PDE11A: variants seen among roughly 807,000 people sequenced by gnomAD.
The protein encoded by PDE11A is dual 3',5'-cyclic-AMP and -GMP phosphodiesterase 11A.
In PDE11A, 100 loss-of-function variants were observed where a neutral mutation model predicts 100.5. The observed-to-expected ratio is 1.00, with a 90% CI of 0.85 to 1.18. PDE11A has a LOEUF of 1.18. PDE11A is among the 50% of genes most tolerant of loss of function. The probability of loss-of-function intolerance (pLI) is 0.00; values close to 1 mark genes in which losing one functional copy is unlikely to be tolerated. For missense variants in PDE11A, 1,141 were observed against 1,152.6 expected (o/e 0.99, Z 0.15); for synonymous variants, 381 against 420.8 (o/e 0.91, Z 1.16).
intron 1 of PDE11A, among the ~76,000 whole-genome samples, chr2:178,070,846 A>G (rs1314711358): frequency 1.3e-5 from 2 of 152,244 alleles, no homozygotes; most frequent in African/African-American, 4.8e-5. Context: ...ACTACAGATA[A>G]TGCTATATTT....
chr2:178,072,837 G>T, upstream of PDE11A: 1 of 1,180,790 alleles, frequency 8.5e-7, no homozygotes, highest in Non-Finnish European at 1.1e-6. Context: ...GTGAGGCACG[G>T]AGCCTGGAGG....
intron 2 of PDE11A, among the ~76,000 whole-genome samples, chr2:177,920,316 T>C (rs574950587): frequency 4.0e-4 from 61 of 151,594 alleles, no homozygotes; most frequent in Admixed American, 1.1e-3. Context: ...TATGAACCTC[T>C]AAGTAGGAAA....
intron 2 of PDE11A, among the ~76,000 whole-genome samples, chr2:177,956,122 A>G (rs1371506931): frequency 6.6e-6 from 1 of 152,108 alleles, no homozygotes; most frequent in Non-Finnish European, 1.5e-5. Context: ...GTGAACAGGC[A>G]ACCTACAGAA....
At chr2:177,903,711 T>A (rs914269538) in intron 3 of PDE11A, among the ~76,000 whole-genome samples, 1 of 152,206 alleles carries the variant, frequency 6.6e-6, no homozygotes, top group Non-Finnish European at 1.5e-5. Flanking sequence ...AAGGGAAGAT[T>A]AATCAGAAAG....
chr2:177,964,995 A>G (rs779519048), intron 2 of PDE11A, among the ~76,000 whole-genome samples: 2 of 152,248 alleles, frequency 1.3e-5, no homozygotes, highest in Non-Finnish European at 2.9e-5. Flanking sequence ...CCAGCAGTGT[A>G]TAAGTGTTCC....
intron 6 of PDE11A, among the ~76,000 whole-genome samples, chr2:177,836,558 G>A (rs1196175742): frequency 1.3e-5 from 2 of 152,194 alleles, no homozygotes; most frequent in Non-Finnish European, 2.9e-5. Flanking sequence ...GGGAATAAAA[G>A]CAGGCTGCCG....
chr2:177,654,121 A>G (rs2080347889), intron 19 of PDE11A, among the ~76,000 whole-genome samples: 2 of 152,252 alleles, frequency 1.3e-5, no homozygotes, highest in African/African-American at 4.8e-5. Flanking sequence ...AAAATGAGGC[A>G]CCAAAGTGCT....
chr2:177,853,848 GTGTATAT>G (rs2083778597), intron 5 of PDE11A, among the ~76,000 whole-genome samples: 3 of 139,116 alleles, frequency 2.2e-5, no homozygotes, highest in African/African-American at 7.9e-5. Flanking sequence ...ATCTATATAT[GTGTATAT>G]ATATCTATAT....
At chr2:177,755,955 G>A (rs967747091) in intron 10 of PDE11A, among the ~76,000 whole-genome samples, 6 of 152,244 alleles carry the variant, frequency 3.9e-5, no homozygotes, top group Non-Finnish European at 7.3e-5. Context: ...AGATGGTTTT[G>A]CAGGAGCCCA....
At chr2:177,813,329 GA>G in intron 9 of PDE11A, among the ~76,000 whole-genome samples, 1 of 152,252 alleles carries the variant, frequency 6.6e-6, no homozygotes, top group East Asian at 1.9e-4. Flanking sequence ...TCTCTTGGCT[GA>G]ATTCTTTCTC....
At chr2:177,678,796 G>A (rs552004755) in intron 16 of PDE11A, among the ~76,000 whole-genome samples, 3 of 152,200 alleles carry the variant, frequency 2.0e-5, no homozygotes, top group African/African-American at 4.8e-5. Context: ...ATCTCTGTAG[G>A]AAAATATCTA....
chr2:177,740,405 TTTA>T (rs1327044861), intron 10 of PDE11A, among the ~76,000 whole-genome samples: 4 of 152,214 alleles, frequency 2.6e-5, no homozygotes, highest in Admixed American at 6.5e-5. Context: ...TCATGGTGCA[TTTA>T]TTAAGACATA....
In PDE11A at chr2:177,627,056, A is replaced by C. The variant is rs1574075179; in HGVS notation, c.*2351T>G. On this transcript the variant is annotated 3_prime_UTR_variant, in exon 20 of 20. Coordinates refer to ENST00000286063, the MANE Select transcript of PDE11A (RefSeq NM_016953.4). ...TTTTTTTTTTTTTTTTTTTTTTGAG[A>C]CGGAGTCTCGCTGGTCGCCCAGGCT... is the stretch of plus-strand genomic sequence containing the variant. 1 of 59,042 alleles carries C rather than the reference A, an allele frequency of 1.7e-5. No individual in the cohort carries two copies. Among genetic ancestry groups the C allele is most frequent in the African/African-American group, 7.7e-5 (1 of 13,032 alleles). The allele number at this position is 59,042 out of a possible 1,614,324, so 3.7% of individuals were successfully genotyped here.
chr2:177,656,115 G>A (rs1169928009), intron 19 of PDE11A, among the ~76,000 whole-genome samples: 1 of 152,174 alleles, frequency 6.6e-6, no homozygotes, highest in African/African-American at 2.4e-5. Flanking sequence ...CAGATTATGG[G>A]CAGGAATATA....
intron 2 of PDE11A, among the ~76,000 whole-genome samples, chr2:177,936,781 T>G (rs904040332): frequency 2.0e-5 from 3 of 151,952 alleles, no homozygotes; most frequent in African/African-American, 7.3e-5. Flanking sequence ...ATTAGCTGGG[T>G]TTGGTTGCCA....
chr2:177,749,307 G>A (rs1007033473), intron 10 of PDE11A, among the ~76,000 whole-genome samples: 1 of 152,090 alleles, frequency 6.6e-6, no homozygotes, highest in Non-Finnish European at 1.5e-5. Flanking sequence ...AGACTGTTGG[G>A]ATCAAGCAAC....
intron 2 of PDE11A, among the ~76,000 whole-genome samples, chr2:177,967,635 G>C (rs1355546255): frequency 6.6e-6 from 1 of 151,928 alleles, no homozygotes; most frequent in Non-Finnish European, 1.5e-5. Context: ...ACTGACAGTA[G>C]TAAGTACTGA....
At position 177,914,840 on chromosome 2, in the gene PDE11A, C is replaced by A. The variant is rs148777118; in HGVS notation, c.1072-9653G>T. Among the ~76,000 whole-genome samples, 132 of 152,242 alleles carry A rather than the reference C, an allele frequency of 8.7e-4. 2 individuals carry two copies. The South Asian group carries it at 0.012, about 14-fold the overall frequency. ...CTCCTATTAGTAGCAGAAGGCTTTT[C>A]TTCACTGTCTCGTTTATCAAACTCC... On this transcript the variant is annotated intron_variant, in intron 2 of 19. Transcript: ENST00000286063.
chr2:177,998,627 A>C, intron 2 of PDE11A: 1 of 1,291,914 alleles, frequency 7.7e-7, no homozygotes, highest in East Asian at 2.3e-5. Flanking sequence ...ATTTCAGAAT[A>C]AATTGAGCTG....
Sources: allele counts gnomAD v4.1 joint callset (sites outside exome capture counted in the v4.1 genomes callset), GRCh38; gene constraint gnomAD v4.1.1; transcripts MANE v1.5; gene names NCBI Gene and HGNC (gene_info 2026-07-23, HGNC 2026-07-21).